The following FN1 variants were observed in gnomAD, a reference collection of about 807,000 sequenced individuals.
The protein encoded by FN1 is fibronectin 1.
FN1 carries 106 observed loss-of-function variants against 297.3 expected under a neutral mutation model. That is an observed-to-expected ratio of 0.36 (90% CI 0.30 to 0.42). The LOEUF (loss-of-function observed/expected upper bound fraction) is 0.42, where lower values mean the gene tolerates loss of function less well. Among genes scored for constraint, FN1 ranks in the 10% least tolerant of loss-of-function variants. The pLI is 1.00. For missense variants in FN1, 2,690 were observed against 3,124.9 expected, an observed-to-expected ratio of 0.86 and a Z score of 3.32; for synonymous variants, 1,149 against 1,152.6, an observed-to-expected ratio of 1.00 and a Z score of 0.06.
chr2:215,392,037 G>T, intron 25 of FN1: 1 of 528,402 alleles, frequency 1.9e-6, no homozygotes, highest in Non-Finnish European at 3.4e-6. Context: ...TGCCATCATT[G>T]ATATATTTAA....
rs2059720497 is a variant in FN1 at position 215,391,661 on chromosome 2, G to A, written c.4223C>T (p.Ser1408Phe). 2 of 1,613,948 alleles carry A rather than the reference G, an allele frequency of 1.2e-6. No homozygotes were observed. The highest frequency in any genetic ancestry group is 2.2e-5 in the East Asian group (1 of 44,894). ...NEEDVAELSI[S>F]PSDNAVVLTN... ...TAAGACCACTGCATTGTCTGAAGGA[G>A]AAATTGACAACTCTGCAACATCTTC... The change falls in exon 26 of 46, where the codon TCT becomes TTT. Residue 1408 changes from serine to phenylalanine, a missense_variant. By Grantham distance (155) the Ser-to-Phe change is radical (BLOSUM62 -2). Coordinates refer to ENST00000354785, the MANE Select transcript of FN1 (RefSeq NM_212482.4).
chr2:215,392,838 C>CTT (rs2059859745), intron 25 of FN1, 93 bp downstream of exon 25: 1 of 1,441,318 alleles, frequency 6.9e-7, no homozygotes, highest in Non-Finnish European at 9.7e-7. Flanking sequence ...CAATTGCTGA[C>CTT]TTCCCCCATG....
In FN1 at chr2:215,388,254, C is replaced by T. The variant is rs1575449900; in HGVS notation, c.4300G>A (p.Glu1434Lys). The T allele has an allele frequency of 2.5e-6, 4 of 1,614,008 alleles. No homozygotes were observed. Among genetic ancestry groups the T allele is most frequent in the South Asian group, 1.1e-5 (1 of 91,070 alleles). The stretch of plus-strand genomic sequence containing the variant: ...CTAAGAGGTGTGCTCTCATGTTGTT[C>T]GTAGACACTGGAGACACTCACTACA... ...EYVVSVSSVY[E>K]QHESTPLRGR... The change falls in exon 27 of 46, where the codon GAA becomes AAA. Residue 1434 changes from glutamate (E) to lysine (K), a missense_variant. Transcript: ENST00000354785.
rs766110066 is a variant in FN1 at position 215,433,475 on chromosome 2, G to A, written c.278-14C>T. The A allele has an allele frequency of 6.8e-6, 11 of 1,612,712 alleles. No individual in the cohort carries two copies. The highest frequency in any genetic ancestry group is 9.3e-6 in the Non-Finnish European group (11 of 1,179,220). ...AAGTCTCTTCAGCTGAGGGGAAAAGGAAAGTCCATGTGAGCCTCACTTAGG... is the reference window on the plus strand; with the variant it reads ...AAGTCTCTTCAGCTGAGGGGAAAAGAAAAGTCCATGTGAGCCTCACTTAGG... On this transcript the variant is annotated splice_polypyrimidine_tract_variant and intron_variant, in intron 2 of 45. Coordinates refer to ENST00000354785, the MANE Select transcript of FN1 (RefSeq NM_212482.4).
chr2:215,365,015 A>G (rs772839162), intron 43 of FN1, 30 bp from the exon 44 acceptor site: 6 of 1,386,220 alleles, frequency 4.3e-6, no homozygotes, highest in Non-Finnish European at 6.0e-6. Flanking sequence ...AGATGCACGC[A>G]TAAGCTGAGA....
chr2:215,382,955 G>C (rs1056409112), intron 31 of FN1, among the ~76,000 whole-genome samples: 4 of 151,566 alleles, frequency 2.6e-5, no homozygotes, highest in African/African-American at 9.7e-5. Context: ...AGAATATTAG[G>C]TGGTCCTACC....
At position 215,435,966 on chromosome 2, in the gene FN1, G is replaced by A. The variant is rs2067410139; in HGVS notation, c.-164C>T. 1.4e-6 allele frequency: 2 copies of A among 1,402,998 alleles called. No homozygotes were observed. Among genetic ancestry groups the A allele is most frequent in the Admixed American group, 2.8e-5 (1 of 35,562 alleles). 86.9% of individuals were successfully genotyped at this position (1,402,998 alleles called of 1,614,324 possible). ...GGGGAAGGGGACGGGTGGAGGGACAGAAGGGATGCAGAGGACCAGAGAAGT... is the reference window on the plus strand; with the variant it reads ...GGGGAAGGGGACGGGTGGAGGGACAAAAGGGATGCAGAGGACCAGAGAAGT... On this transcript the variant is annotated 5_prime_UTR_variant, in exon 1 of 46. Transcript: ENST00000354785.
At chr2:215,419,602 T>C (rs2063926804) in intron 11 of FN1, among the ~76,000 whole-genome samples, 1 of 152,186 alleles carries the variant, frequency 6.6e-6, no homozygotes, top group Non-Finnish European at 1.5e-5. Context: ...AATATTTAGT[T>C]TTCTAAAAGG....
rs865856348 is a variant in FN1 at position 215,399,173 on chromosome 2, C to T, written c.3348+84G>A. 14 of 1,027,102 alleles carry T rather than the reference C, an allele frequency of 1.4e-5. No individual in the cohort carries two copies. The Middle Eastern group carries it at 2.7e-3, about 195-fold the overall frequency. The allele number at this position is 1,027,102 out of a possible 1,614,324, so 63.6% of individuals were successfully genotyped here. ...GTGACAAAACCCAGGTCTCCTGACTCCTGAGCACCCTGTTTCCACTACATG... is the reference window on the plus strand; with the variant it reads ...GTGACAAAACCCAGGTCTCCTGACTTCTGAGCACCCTGTTTCCACTACATG... On this transcript the variant is annotated intron_variant, in intron 21 of 45. Coordinates refer to ENST00000354785, the MANE Select transcript of FN1 (RefSeq NM_212482.4).
At chr2:215,416,824 G>A (rs763355282) in intron 12 of FN1, among the ~76,000 whole-genome samples, 2 of 152,198 alleles carry the variant, frequency 1.3e-5, no homozygotes, top group Non-Finnish European at 2.9e-5. Context: ...AAGAAAAAGG[G>A]TACAGCAGTG....
chr2:215,370,540 C>CCAAAAAAAAAAAAAAAAAAAAAAAAAAAA (rs1553600561), intron 40 of FN1, 108 bp from the exon 41 acceptor site: 8 of 300,110 alleles, frequency 2.7e-5, no homozygotes, highest in African/African-American at 2.2e-4. Flanking sequence ...CAAAGGAAGA[C>CCAAAAAAAAAAAAAAAAAAAAAAAAAAAA]AAAAAACAAA....
At chr2:215,435,352 A>G (rs1328917543) in intron 1 of FN1, among the ~76,000 whole-genome samples, 1 of 152,220 alleles carries the variant, frequency 6.6e-6, no homozygotes, top group Non-Finnish European at 1.5e-5. Context: ...ATAGACATGC[A>G]TCATTTTTCT....
chr2:215,372,581 A>G, intron 39 of FN1: 1 of 608,940 alleles, frequency 1.6e-6, no homozygotes, highest in African/African-American at 1.8e-5. Flanking sequence ...TAGTTTAGAA[A>G]GAAAAAAGTG....
In FN1 at chr2:215,408,446, G is replaced by T. The variant is rs2062094651; in HGVS notation, c.2300-20C>A. ...GAAGATCTTTGAAATGAAAAGAAAAGGTAACTAATCAGAGCAAACTAGTCC... is the reference window on the plus strand; with the variant it reads ...GAAGATCTTTGAAATGAAAAGAAAATGTAACTAATCAGAGCAAACTAGTCC... On this transcript the variant is annotated intron_variant, in intron 15 of 45. Transcript: ENST00000354785. 1.2e-6 allele frequency: 2 copies of T among 1,613,524 alleles called. No individual in the cohort carries two copies. The highest frequency in any genetic ancestry group is 2.7e-5 in the African/African-American group (2 of 74,856).
chr2:215,385,945 T>G (rs1207904217), intron 28 of FN1, among the ~76,000 whole-genome samples: 4 of 151,426 alleles, frequency 2.6e-5, no homozygotes, highest in Non-Finnish European at 5.9e-5. Flanking sequence ...GCCCAGCTAA[T>G]TTTTGTATTT....
At chr2:215,412,063 G>A (rs749816153) in intron 13 of FN1, among the ~76,000 whole-genome samples, 1 of 152,124 alleles carries the variant, frequency 6.6e-6, no homozygotes, top group Non-Finnish European at 1.5e-5. Flanking sequence ...AATTAATGAT[G>A]TAATAAGAAG....
chr2:215,377,879 G>T (rs950981394), intron 35 of FN1, among the ~76,000 whole-genome samples: 11 of 152,180 alleles, frequency 7.2e-5, no homozygotes, highest in Non-Finnish European at 1.5e-4. Context: ...GAGTATAAAA[G>T]ATGACAGTCA....
Position 215,419,132 on chromosome 2 carries a change from G to C in FN1, c.1819+110C>G, listed in dbSNP as rs560121007. ...TTATTAGATAATAACAAGAGAAAAG[G>C]GTGGGAAAGAGGGGAGACCCCCAAC... is the stretch of plus-strand genomic sequence containing the variant. On this transcript the variant is annotated intron_variant, in intron 12 of 45. Coordinates refer to ENST00000354785, the MANE Select transcript of FN1 (RefSeq NM_212482.4). The C allele has an allele frequency of 3.4e-5, 29 of 843,402 alleles. No individual in the cohort carries two copies. The South Asian group carries it at 3.7e-4, about 11-fold the overall frequency. The allele number at this position is 843,402 out of a possible 1,614,324, so 52.2% of individuals were successfully genotyped here. A position where few individuals can be genotyped will look rare whatever the true frequency, so the allele number is the denominator to read the frequency against.
rs1396754880 is a variant in FN1, at chr2:215,385,778, C to CCT, written c.4613-803_4613-802insAG. Among the ~76,000 whole-genome samples the CCT allele has an allele frequency of 5.8e-5, 7 of 120,406 alleles. 1 individual carries two copies. Among genetic ancestry groups the CCT allele is most frequent in the East Asian group, 4.8e-4 (2 of 4,134 alleles). 79.0% of individuals were successfully genotyped at this position (120,406 alleles called of 152,430 possible). On this transcript the variant is annotated intron_variant, in intron 28 of 45. Transcript: ENST00000354785. ...TTTGAAACAGTGTTCAGTTTTCCAC[C>CCT]TTTTTTTTTTTTTTTTTTGAGACAG...
Sources: gnomAD v4.1 joint callset for allele counts (sites outside exome capture counted in the v4.1 genomes callset) on GRCh38, gnomAD v4.1.1 for gene constraint, MANE v1.5 for transcripts, NCBI Gene and HGNC (gene_info 2026-07-23, HGNC 2026-07-21) for gene names.